Variants in MYL4 observed in about 807,000 individuals in gnomAD.
The protein encoded by MYL4 is atrial myosin light chain 1.
Under a neutral mutation model 21.6 loss-of-function variants are expected in MYL4, and 16 were observed. The ratio of observed to expected loss-of-function variants is 0.74; its 90% CI spans 0.50 to 1.12. MYL4 has a LOEUF of 1.12. Among genes scored for constraint, MYL4 ranks in the 50% most tolerant of loss-of-function variants. The pLI is 0.00. For missense variants in MYL4, 249 were observed against 252.9 expected, an observed-to-expected ratio of 0.98 and a Z score of 0.11; for synonymous variants, 82 against 95.7, an observed-to-expected ratio of 0.86 and a Z score of 0.83.
intron 2 of MYL4, among the ~76,000 whole-genome samples, chr17:47,219,464 G>C (rs375111600): frequency 1.3e-5 from 2 of 152,288 alleles, no homozygotes; most frequent in African/African-American, 2.4e-5. Flanking sequence ...ACCTACACCA[G>C]AGCGGGATGT....
At chr17:47,223,832 G>T (rs2064875242), downstream of MYL4, among the ~76,000 whole-genome samples, 1 of 152,186 alleles carries the variant, frequency 6.6e-6, no homozygotes, top group East Asian at 1.9e-4. Flanking sequence ...AGGAGACAAG[G>T]ACAAAAGCCT....
At chr17:47,205,135 G>A (rs933073703), upstream of MYL4, among the ~76,000 whole-genome samples, 12 of 152,298 alleles carry the variant, frequency 7.9e-5, no homozygotes, top group South Asian at 2.1e-4. Context: ...ATTTGTGTCC[G>A]AATTTGACAT....
chr17:47,219,806 C>A, intron 2 of MYL4, 98 bp from the exon 3 acceptor site: 1 of 1,437,178 alleles, frequency 7.0e-7, no homozygotes, highest in South Asian at 1.2e-5. Context: ...TTTTAACAAC[C>A]ACACTCACCT....
At chr17:47,207,513 A>T (rs1347514549), upstream of MYL4, among the ~76,000 whole-genome samples, 1 of 152,166 alleles carries the variant, frequency 6.6e-6, no homozygotes, top group African/African-American at 2.4e-5. Flanking sequence ...AAATGGGCAG[A>T]TGTGGGCTCC....
At chr17:47,198,657 G>T (rs1172424586), upstream of MYL4, among the ~76,000 whole-genome samples, 3 of 152,162 alleles carry the variant, frequency 2.0e-5, no homozygotes, top group African/African-American at 7.2e-5. Context: ...TGAGTTGGGA[G>T]AGCCTCAGAT....
At chr17:47,209,832 G>A in intron 1 of MYL4, 1 of 550,040 alleles carries the variant, frequency 1.8e-6, no homozygotes, top group Non-Finnish European at 3.3e-6. Flanking sequence ...AATGGGGGGA[G>A]GTACAACCAA....
intron 2 of MYL4, among the ~76,000 whole-genome samples, chr17:47,214,142 T>C (rs2064797292): frequency 6.6e-6 from 1 of 152,200 alleles, no homozygotes; most frequent in African/African-American, 2.4e-5. Context: ...AGAGCTAAGA[T>C]TCAAACTCAG....
At chr17:47,192,121 A>G in the MYL4 span, among the ~76,000 whole-genome samples, 16 of 152,294 alleles carry the variant, frequency 1.1e-4, no homozygotes, top group Admixed American at 1.0e-3. Flanking sequence ...TTGGGAGGCC[A>G]ATGCAGACGG....
At chr17:47,198,961 A>G (rs112596320), upstream of MYL4, among the ~76,000 whole-genome samples, 2,461 of 151,866 alleles carry the variant, frequency 0.016, 54 homozygotes, top group African/African-American at 0.056. Context: ...ATGGCCAGGC[A>G]TGGTGGCTCT....
intron 3 of MYL4, 61 bp from the exon 4 acceptor site, chr17:47,221,621 C>T: frequency 6.4e-7 from 1 of 1,554,784 alleles, no homozygotes; most frequent in East Asian, 2.3e-5. Flanking sequence ...CCTCTTGACC[C>T]TCTGCTCCCT....
chr17:47,217,835 A>G (rs1598657580), intron 2 of MYL4, among the ~76,000 whole-genome samples: 1 of 152,162 alleles, frequency 6.6e-6, no homozygotes, highest in African/African-American at 2.4e-5. Flanking sequence ...GGAGTTCGAG[A>G]CCAGCCTGAC....
chr17:47,199,937 C>T (rs1490049761), upstream of MYL4, among the ~76,000 whole-genome samples: 5 of 150,760 alleles, frequency 3.3e-5, no homozygotes, highest in African/African-American at 9.8e-5. Context: ...GACAGGGTTT[C>T]GCCATGTTAC....
intron 1 of MYL4, 84 bp from the exon 2 acceptor site, chr17:47,213,715 C>A: frequency 7.1e-7 from 1 of 1,411,306 alleles, no homozygotes; most frequent in Non-Finnish European, 9.9e-7. Context: ...CATTGGAAGC[C>A]ACTTCTGCTT....
chr17:47,213,707 T>C (rs951958023), intron 1 of MYL4, 92 bp from the exon 2 acceptor site: 21 of 1,349,320 alleles, frequency 1.6e-5, no homozygotes, highest in Non-Finnish European at 2.1e-5. Context: ...CCATACTGCA[T>C]TGGAAGCCAC....
chr17:47,198,187 T>C (rs911228754), upstream of MYL4, among the ~76,000 whole-genome samples: 1 of 152,204 alleles, frequency 6.6e-6, no homozygotes, highest in African/African-American at 2.4e-5. Flanking sequence ...TCTTAGATGG[T>C]TGAATCTGAA....
chr17:47,220,288 G>A (rs2064846035), intron 3 of MYL4, among the ~76,000 whole-genome samples: 1 of 152,212 alleles, frequency 6.6e-6, no homozygotes, highest in South Asian at 2.1e-4. Flanking sequence ...CACGAGGTTG[G>A]GAGCTCCTGT....
chr17:47,212,143 G>T (rs958825033), intron 1 of MYL4, among the ~76,000 whole-genome samples: 4 of 152,114 alleles, frequency 2.6e-5, no homozygotes, highest in Admixed American at 6.6e-5. Flanking sequence ...TTGAACTTGG[G>T]AGGCGAAGGT....
chr17:47,219,801 A>G (rs2064840980), intron 2 of MYL4, 103 bp from the exon 3 acceptor site: 4 of 1,407,534 alleles, frequency 2.8e-6, no homozygotes, highest in African/African-American at 1.4e-5. Flanking sequence ...GGATATTTTA[A>G]CAACCACACT....
chr17:47,226,230 A>G (rs1270751082), downstream of MYL4, among the ~76,000 whole-genome samples: 2 of 152,232 alleles, frequency 1.3e-5, no homozygotes, highest in Admixed American at 6.5e-5. Context: ...AACTCCATCT[A>G]TGTAACATAC....
Sources: allele counts gnomAD v4.1 joint callset (sites outside exome capture counted in the v4.1 genomes callset), GRCh38; gene constraint gnomAD v4.1.1; transcripts MANE v1.5; gene names NCBI Gene and HGNC (gene_info 2026-07-23, HGNC 2026-07-21).